Variants in LRRN3 observed in about 807,000 individuals in gnomAD.
The protein encoded by LRRN3 is leucine rich repeat neuronal 3.
In LRRN3, 15 loss-of-function variants were observed where a neutral mutation model predicts 40.1. The observed-to-expected ratio is 0.37, with a 90% CI of 0.25 to 0.58. The LOEUF (loss-of-function observed/expected upper bound fraction) is 0.58, where lower values mean the gene tolerates loss of function less well. Ranked by LOEUF, LRRN3 falls within the 20% of genes least tolerant of loss-of-function variation. LRRN3 has a pLI of 0.72. For missense variants in LRRN3, 746 were observed against 837.7 expected, an observed-to-expected ratio of 0.89 and a Z score of 1.35; for synonymous variants, 308 against 297.2, an observed-to-expected ratio of 1.04 and a Z score of -0.37.
chr7:111,111,255 G>A (rs1216380471), intron 2 of LRRN3, among the ~76,000 whole-genome samples: 3 of 146,304 alleles, frequency 2.1e-5, no homozygotes, highest in African/African-American at 2.6e-5. Flanking sequence ...GCAAAAAGAC[G>A]CTTATGTGGG....
At chr7:111,120,995 A>G (rs1204172149) in intron 2 of LRRN3, among the ~76,000 whole-genome samples, 2 of 151,940 alleles carry the variant, frequency 1.3e-5, no homozygotes, top group Admixed American at 1.3e-4. Flanking sequence ...TTTTTTCCCT[A>G]TAACTAAATT....
intron 2 of LRRN3, among the ~76,000 whole-genome samples, chr7:111,111,426 G>A (rs768161407): frequency 3.9e-4 from 56 of 143,888 alleles, no homozygotes; most frequent in Non-Finnish European, 7.3e-4. Flanking sequence ...AAAATGGCCC[G>A]TTAGTATTTT....
Position 111,124,985 on chromosome 7 carries a change from A to C in LRRN3, c.*86A>C. The C allele has an allele frequency of 2.1e-6, 2 of 959,526 alleles. No individual in the cohort carries two copies. Among genetic ancestry groups the C allele is most frequent in the Non-Finnish European group, 3.0e-6 (2 of 657,382 alleles). The allele number at this position is 959,526 out of a possible 1,614,324, so 59.4% of individuals were successfully genotyped here. A position where few individuals can be genotyped will look rare whatever the true frequency, so the allele number is the denominator to read the frequency against. ...TTGTGCTAAAAACAAAACAAAACAA[A>C]CAAACAAACAAAAAAGTAAAAAAAG... On this transcript the variant is annotated 3_prime_UTR_variant, in exon 3 of 3. Transcript: ENST00000308478.
intron 1 of LRRN3, among the ~76,000 whole-genome samples, chr7:111,091,877 A>G (rs1453352985): frequency 6.6e-6 from 1 of 151,962 alleles, no homozygotes; most frequent in African/African-American, 2.4e-5. Context: ...GAAGACAGAG[A>G]GGAGACAGAG....
chr7:111,122,007 C>G (rs564820019), intron 2 of LRRN3, among the ~76,000 whole-genome samples: 1 of 149,050 alleles, frequency 6.7e-6, no homozygotes, highest in Non-Finnish European at 1.5e-5. Context: ...CATGTTCTCA[C>G]TCATAGTTGG....
Position 111,124,843 on chromosome 7 carries a change from A to G in LRRN3, c.2071A>G (p.Ser691Gly), listed in dbSNP as rs201247265. 6.2e-7 allele frequency: 1 copy of G among 1,612,260 alleles called. No individual in the cohort carries two copies. Among genetic ancestry groups the G allele is most frequent in the Non-Finnish European group, 8.5e-7 (1 of 1,179,776 alleles). Residue 691 changes from serine to glycine, a missense_variant, in exon 3 of 3, where the codon AGT becomes GGT. Coordinates refer to ENST00000308478, the MANE Select transcript of LRRN3 (RefSeq NM_001099658.2). ...TCTCTGGGAAGCAGGAAAAGAAAAAAGTACATCACTGAAAGTAAAAGCAAC... is the reference window on the plus strand; with the variant it reads ...TCTCTGGGAAGCAGGAAAAGAAAAAGGTACATCACTGAAAGTAAAAGCAAC... ...INLWEAGKEK[S>G]TSLKVKATVI...
At chr7:111,098,593 T>C (rs747804022) in intron 1 of LRRN3, among the ~76,000 whole-genome samples, 1 of 151,802 alleles carries the variant, frequency 6.6e-6, no homozygotes, top group East Asian at 1.9e-4. Context: ...GTAATAATAC[T>C]GGCAGATCTC....
chr7:111,118,422 G>C (rs1177304969), intron 2 of LRRN3, among the ~76,000 whole-genome samples: 1 of 151,982 alleles, frequency 6.6e-6, no homozygotes, highest in Non-Finnish European at 1.5e-5. Flanking sequence ...CAAATTATAA[G>C]TGTCCACAGG....
rs1269090601 is a variant in LRRN3 at position 111,124,786 on chromosome 7, G to A, written c.2014G>A (p.Ala672Thr). 1 of 1,613,614 alleles carries A rather than the reference G, an allele frequency of 6.2e-7. No homozygotes were observed. The highest frequency in any genetic ancestry group is 1.7e-5 in the Admixed American group (1 of 59,970). The change falls in exon 3 of 3, where the codon GCA becomes ACA. Residue 672 changes from alanine (A) to threonine (T), a missense_variant. Transcript: ENST00000308478. The part of the protein sequence containing the change: ...VRNYLQKPTF[A>T]LGELYPPLIN... Reference sequence around the variant, plus strand: ...GAATTACTTACAGAAACCAACCTTTGCATTAGGTGAGCTTTATCCTCCTCT... The same window carrying A: ...GAATTACTTACAGAAACCAACCTTTACATTAGGTGAGCTTTATCCTCCTCT...
At chr7:111,113,064 A>T (rs1169263940) in intron 2 of LRRN3, among the ~76,000 whole-genome samples, 1 of 152,176 alleles carries the variant, frequency 6.6e-6, no homozygotes, top group African/African-American at 2.4e-5. Flanking sequence ...ACAGAAAGTG[A>T]ACTACCCAGA....
At chr7:111,119,953 T>C (rs546774995) in intron 2 of LRRN3, among the ~76,000 whole-genome samples, 53 of 152,126 alleles carry the variant, frequency 3.5e-4, no homozygotes, top group African/African-American at 9.2e-4. Context: ...AGAGGGGAGA[T>C]TCTTGAACTG....
intron 1 of LRRN3, among the ~76,000 whole-genome samples, chr7:111,094,491 G>T (rs1797198785): frequency 6.6e-6 from 1 of 152,142 alleles, no homozygotes; most frequent in South Asian, 2.1e-4. Context: ...GTTCCATGTA[G>T]ACCTGGTTCT....
At position 111,123,738 on chromosome 7, in the gene LRRN3, G is replaced by T. The variant is rs748936724; in HGVS notation, c.966G>T (p.Leu322Phe). The T allele has an allele frequency of 1.1e-5, 18 of 1,613,798 alleles. No homozygotes were observed. Among genetic ancestry groups the T allele is most frequent in the African/African-American group, 1.3e-5 (1 of 74,876 alleles). ...RKIEATNNPRLSYIHPNAFFR... is the reference protein window; with the variant it reads ...RKIEATNNPRFSYIHPNAFFR... ...TAGAAGCTACTAACAACCCTAGATT[G>T]TCTTACATTCACCCCAATGCATTTT... The change falls in exon 3 of 3, where the codon TTG (leucine) becomes TTT (phenylalanine). Residue 322 changes from leucine to phenylalanine, a missense_variant. By Grantham distance (22) the Leu-to-Phe change is conservative. Transcript: ENST00000308478. This position sits in a 1 kb window ranked among gnomAD's most constrained non-coding sequence, Gnocchi z 6.4.
intron 2 of LRRN3, among the ~76,000 whole-genome samples, chr7:111,121,303 G>A (rs529163519): frequency 6.6e-6 from 1 of 152,216 alleles, no homozygotes; most frequent in African/African-American, 2.4e-5. Flanking sequence ...CCATTCTGTA[G>A]GTTGCCTGTT....
intron 2 of LRRN3, among the ~76,000 whole-genome samples, chr7:111,116,235 GAT>G (rs1438340035): frequency 6.6e-6 from 1 of 152,100 alleles, no homozygotes; most frequent in Non-Finnish European, 1.5e-5. Context: ...ATTTGTTTAT[GAT>G]CTGCATTAAT....
rs569220895 is a variant in LRRN3, at chr7:111,104,841, C to T, written c.-359+4879C>T. Among the ~76,000 whole-genome samples, 232 of 151,584 alleles carry T rather than the reference C, an allele frequency of 1.5e-3. 1 individual carries two copies. Among genetic ancestry groups the T allele is most frequent in the Non-Finnish European group, 1.1e-3 (75 of 67,710 alleles). ...GAAGCAGGGCAAAATCTATTTAGAA[C>T]GAGAGGGTCATGGCTTCTAGAACAG... On this transcript the variant is annotated intron_variant, in intron 2 of 2. Coordinates refer to ENST00000308478, the MANE Select transcript of LRRN3 (RefSeq NM_001099658.2).
intron 2 of LRRN3, among the ~76,000 whole-genome samples, chr7:111,102,599 AAGAG>A (rs761007853): frequency 2.6e-5 from 4 of 151,756 alleles, no homozygotes; most frequent in South Asian, 2.1e-4. Context: ...AGTCAAATAA[AAGAG>A]AGAGAGAAAA....
At chr7:111,108,050 ATTG>A (rs373206894) in intron 2 of LRRN3, among the ~76,000 whole-genome samples, 2 of 151,938 alleles carry the variant, frequency 1.3e-5, no homozygotes, top group East Asian at 1.9e-4. Flanking sequence ...TTTTGTTTTT[ATTG>A]TTGTTGTTGT....
chr7:111,123,854 A>G lies in LRRN3; in HGVS notation c.1082A>G (p.Lys361Arg). Residue 361 changes from lysine to arginine, a missense_variant, in exon 3 of 3, where the codon AAG (lysine) becomes AGG (arginine). Coordinates refer to ENST00000308478, the MANE Select transcript of LRRN3 (RefSeq NM_001099658.2). This position sits in a 1 kb window ranked among gnomAD's most constrained non-coding sequence, Gnocchi z 6.4. ...HGTIESLPNL[K>R]EISIHSNPIR... is the part of the protein sequence containing the mutation. ...ACCATTGAGTCTCTGCCAAACCTCA[A>G]GGAAATCAGCATACACAGTAACCCC... is the stretch of plus-strand genomic sequence containing the variant. 1 of 1,614,000 alleles carries G rather than the reference A, an allele frequency of 6.2e-7. No individual in the cohort carries two copies. The highest frequency in any genetic ancestry group is 8.5e-7 in the Non-Finnish European group (1 of 1,179,994).
Sources: allele counts gnomAD v4.1 joint callset (sites outside exome capture counted in the v4.1 genomes callset), GRCh38; gene constraint gnomAD v4.1.1; non-coding constraint Gnocchi (gnomAD v3.1); transcripts MANE v1.5; gene names NCBI Gene and HGNC (gene_info 2026-07-23, HGNC 2026-07-21).